The following KCNH7 variants were observed in gnomAD, a reference collection of about 807,000 sequenced individuals.
KCNH7 encodes voltage-gated inwardly rectifying potassium channel KCNH7.
KCNH7 carries 49 observed loss-of-function variants against 120.8 expected under a neutral mutation model. That is an observed-to-expected ratio of 0.41 (90% CI 0.32 to 0.51). The LOEUF is 0.51. Among genes scored for constraint, KCNH7 ranks in the 20% least tolerant of loss-of-function variants. The probability of loss-of-function intolerance (pLI) is 0.38; values close to 1 mark genes in which losing one functional copy is unlikely to be tolerated. For missense variants in KCNH7, 1,097 were observed against 1,446.6 expected (o/e 0.76, Z 3.92); for synonymous variants, 547 against 516.1 (o/e 1.06, Z -0.81).
At chr2:162,590,920 G>A (rs759793193) in intron 2 of KCNH7, among the ~76,000 whole-genome samples, 2 of 152,062 alleles carry the variant, frequency 1.3e-5, no homozygotes, top group Non-Finnish European at 2.9e-5. Context: ...TCAAACTCTT[G>A]TCCATATAAG....
chr2:162,491,587 T>C (rs1690309659), intron 6 of KCNH7, among the ~76,000 whole-genome samples: 1 of 152,176 alleles, frequency 6.6e-6, no homozygotes, highest in Admixed American at 6.5e-5. Flanking sequence ...GGAAGGAGTC[T>C]GCGTGTAGGT....
At chr2:162,719,051 C>A (rs1446835305) in intron 2 of KCNH7, among the ~76,000 whole-genome samples, 1 of 151,996 alleles carries the variant, frequency 6.6e-6, no homozygotes, top group Non-Finnish European at 1.5e-5. Flanking sequence ...GTGACACAAG[C>A]TCTTGTCCCC....
intron 2 of KCNH7, among the ~76,000 whole-genome samples, chr2:162,761,985 G>A (rs1340685849): frequency 1.3e-5 from 2 of 151,976 alleles, no homozygotes; most frequent in Non-Finnish European, 2.9e-5. Flanking sequence ...CTCCAAAGAA[G>A]GGAAAGATAG....
intron 2 of KCNH7, among the ~76,000 whole-genome samples, chr2:162,575,907 C>T (rs1693653931): frequency 6.6e-6 from 1 of 152,054 alleles, no homozygotes; most frequent in Non-Finnish European, 1.5e-5. Flanking sequence ...TTAAACCAAA[C>T]AGTTTATTAT....
chr2:162,536,794 T>C (rs1692124131), intron 3 of KCNH7, 131 bp downstream of exon 3: 1 of 949,592 alleles, frequency 1.1e-6, no homozygotes, highest in East Asian at 2.5e-5. Flanking sequence ...AGCTAATGGC[T>C]TACTCATGTC....
At chr2:162,420,815 T>A (rs1259589845) in intron 9 of KCNH7, among the ~76,000 whole-genome samples, 1 of 152,090 alleles carries the variant, frequency 6.6e-6, no homozygotes, top group Non-Finnish European at 1.5e-5. Context: ...GAAATACAAG[T>A]TTAATATGCT....
chr2:162,451,994 A>G (rs1688789782), intron 6 of KCNH7, among the ~76,000 whole-genome samples: 1 of 152,094 alleles, frequency 6.6e-6, no homozygotes, highest in African/African-American at 2.4e-5. Flanking sequence ...CTTGGAGACA[A>G]ACTATCACAG....
rs554884054 is a variant in KCNH7, at chr2:162,545,488, A to C, written c.308-8408T>G. ...AGGAGAGGGAGGAACTGCAGGGAAC[A>C]AAGTGCTGGGCCATGAGAGGAAAGG... On this transcript the variant is annotated intron_variant, in intron 2 of 15. Transcript: ENST00000332142. 4.9e-4 allele frequency among the ~76,000 whole-genome samples: 75 copies of C among 152,258 alleles called. No individual in the cohort carries two copies. In the Middle Eastern group the frequency reaches 0.01, roughly 21 times the overall value.
intron 2 of KCNH7, among the ~76,000 whole-genome samples, chr2:162,690,365 C>T (rs953912089): frequency 2.0e-5 from 3 of 151,320 alleles, no homozygotes; most frequent in South Asian, 2.1e-4. Flanking sequence ...TGCACTTGTA[C>T]CCATGAACTT....
intron 5 of KCNH7, among the ~76,000 whole-genome samples, chr2:162,511,852 TAAGTCAC>T (rs1466943388): frequency 6.6e-6 from 1 of 151,712 alleles, no homozygotes; most frequent in Non-Finnish European, 1.5e-5. Context: ...ATGCACAAAA[TAAGTCAC>T]AATCACCATT....
chr2:162,504,123 T>C (rs948602291), intron 6 of KCNH7, among the ~76,000 whole-genome samples: 7 of 151,970 alleles, frequency 4.6e-5, no homozygotes, highest in African/African-American at 1.7e-4. Flanking sequence ...TAAAAAACCA[T>C]GTTTTAATAA....
At chr2:162,385,436 G>A (rs1380757105) in intron 12 of KCNH7, among the ~76,000 whole-genome samples, 1 of 151,938 alleles carries the variant, frequency 6.6e-6, no homozygotes, top group East Asian at 1.9e-4. Context: ...TTCAACCTTA[G>A]TCTGATGCAT....
chr2:162,805,195 C>T (rs1362408460), intron 2 of KCNH7, among the ~76,000 whole-genome samples: 1 of 151,756 alleles, frequency 6.6e-6, no homozygotes. Flanking sequence ...ATGACTAAAG[C>T]CCCAAAAGCA....
chr2:162,440,586 A>C (rs1688388049), intron 7 of KCNH7, among the ~76,000 whole-genome samples: 1 of 152,044 alleles, frequency 6.6e-6, no homozygotes, highest in East Asian at 1.9e-4. Flanking sequence ...TTACTAATAC[A>C]ATCAAAGAAA....
At chr2:162,622,623 G>A (rs1254202055) in intron 2 of KCNH7, among the ~76,000 whole-genome samples, 1 of 152,016 alleles carries the variant, frequency 6.6e-6, no homozygotes, top group African/African-American at 2.4e-5. Context: ...TTTCTTCTAG[G>A]TCCAAACTTG....
intron 2 of KCNH7, among the ~76,000 whole-genome samples, chr2:162,707,759 AC>A (rs896099804): frequency 1.3e-5 from 2 of 152,102 alleles, no homozygotes; most frequent in African/African-American, 4.8e-5. Flanking sequence ...ATCACTGGAC[AC>A]ATCTGACATC....
At chr2:162,662,150 C>T (rs1684985176) in intron 2 of KCNH7, among the ~76,000 whole-genome samples, 1 of 152,076 alleles carries the variant, frequency 6.6e-6, no homozygotes, top group South Asian at 2.1e-4. Context: ...ATTGTCCCAG[C>T]TACTCGGGAG....
At chr2:162,613,382 T>C (rs1029956327) in intron 2 of KCNH7, among the ~76,000 whole-genome samples, 1 of 151,964 alleles carries the variant, frequency 6.6e-6, no homozygotes, top group African/African-American at 2.4e-5. Context: ...GAAGAATATA[T>C]ATTTTAATCA....
At chr2:162,647,952 A>G (rs1684426093) in intron 2 of KCNH7, among the ~76,000 whole-genome samples, 1 of 152,224 alleles carries the variant, frequency 6.6e-6, no homozygotes, top group Non-Finnish European at 1.5e-5. Context: ...GTTCATAAAG[A>G]TAAGTAAATC....
Sources: allele counts gnomAD v4.1 joint callset (sites outside exome capture counted in the v4.1 genomes callset), GRCh38; gene constraint gnomAD v4.1.1; transcripts MANE v1.5; gene names NCBI Gene and HGNC (gene_info 2026-07-23, HGNC 2026-07-21).